The following SH3KBP1 variants were observed in gnomAD, a reference collection of about 807,000 sequenced individuals.
The protein encoded by SH3KBP1 is SH3 domain containing kinase binding protein 1.
A neutral mutation model predicts 50.1 loss-of-function variants in SH3KBP1; 8 were observed. That is an observed-to-expected ratio of 0.16 (90% confidence interval 0.09 to 0.29). The LOEUF (loss-of-function observed/expected upper bound fraction) is 0.29, where lower values mean the gene tolerates loss of function less well. SH3KBP1 is among the 10% of genes least tolerant of loss of function. The pLI is 1.00. For synonymous variants in SH3KBP1, 227 were observed against 218.6 expected (o/e 1.04, Z -0.34); for missense variants, 377 against 535.2 (o/e 0.70, Z 2.92).
chrX:19,553,599 G>C (rs944932155), intron 13 of SH3KBP1, among the ~76,000 whole-genome samples: 2 of 108,194 alleles, frequency 1.8e-5, no homozygotes, highest in East Asian at 2.9e-4. Flanking sequence ...CTCCTAGCGG[G>C]ATGTGAGTAG....
chrX:19,597,311 C>T (rs2066935032), intron 9 of SH3KBP1, among the ~76,000 whole-genome samples: 2 of 112,246 alleles, frequency 1.8e-5, no homozygotes, highest in South Asian at 7.4e-4. Flanking sequence ...TAGGTCTCAA[C>T]AGTGGGCTTA....
chrX:19,817,580 A>G lies in SH3KBP1; in HGVS notation c.162+18545T>C, dbSNP rs1223246463. On this transcript the variant is annotated intron_variant, in intron 2 of 17. Coordinates refer to ENST00000397821, the MANE Select transcript of SH3KBP1 (RefSeq NM_031892.3). Reference sequence around the variant, plus strand: ...CAACATATACGTCAATGGTCCCCATAAGATTATAATACCATACTTCTATTG... The same window carrying G: ...CAACATATACGTCAATGGTCCCCATGAGATTATAATACCATACTTCTATTG... 2.7e-5 allele frequency among the ~76,000 whole-genome samples: 3 copies of G among 112,508 alleles called. No homozygotes were observed. In the East Asian group the frequency reaches 8.3e-4, roughly 31 times the overall value.
chrX:19,769,713 G>A (rs1389635549), intron 2 of SH3KBP1, among the ~76,000 whole-genome samples: 1 of 110,915 alleles, frequency 9.0e-6, no homozygotes, highest in East Asian at 2.8e-4. Context: ...CTAACTTAAT[G>A]CAGCCATTGG....
At chrX:19,561,678 G>T (rs1023267683) in intron 13 of SH3KBP1, among the ~76,000 whole-genome samples, 1 of 111,725 alleles carries the variant, frequency 9.0e-6, no homozygotes, top group Non-Finnish European at 1.9e-5. Flanking sequence ...GGTCAACATT[G>T]TGAGTTTCCC....
chrX:19,642,082 T>A (rs1238643316), intron 7 of SH3KBP1, among the ~76,000 whole-genome samples: 2 of 111,746 alleles, frequency 1.8e-5, no homozygotes, highest in African/African-American at 6.5e-5. Context: ...GCTCAAGAGA[T>A]CCTCCCGCCT....
At chrX:19,603,280 G>A (rs997094438) in intron 9 of SH3KBP1, among the ~76,000 whole-genome samples, 4 of 112,216 alleles carry the variant, frequency 3.6e-5, no homozygotes, top group African/African-American at 6.5e-5. Context: ...TTGCCCTCCC[G>A]GAAAGCACCG....
chrX:19,546,464 TCAA>T (rs2065087288), intron 14 of SH3KBP1, among the ~76,000 whole-genome samples: 1 of 112,296 alleles, frequency 8.9e-6, no homozygotes, highest in Non-Finnish European at 1.9e-5. Context: ...AACACACAGG[TCAA>T]CAAGAGGCTG....
intron 12 of SH3KBP1, among the ~76,000 whole-genome samples, chrX:19,579,923 T>C (rs1242138738): frequency 1.8e-5 from 2 of 111,666 alleles, no homozygotes; most frequent in African/African-American, 6.5e-5. Context: ...CCCTCCCCCA[T>C]GGAGGTCACA....
chrX:19,546,155 T>C, intron 14 of SH3KBP1, 105 bp from the exon 15 acceptor site: 1 of 953,862 alleles, frequency 1.0e-6, no homozygotes, highest in South Asian at 2.3e-5. Flanking sequence ...CACTGCTATT[T>C]TGTCTTCTCA....
At chrX:19,731,224 C>A (rs2064368472) in intron 3 of SH3KBP1, among the ~76,000 whole-genome samples, 1 of 112,514 alleles carries the variant, frequency 8.9e-6, no homozygotes, top group South Asian at 3.6e-4. Flanking sequence ...CAGGCGTGAG[C>A]CACTGCGCCC....
At chrX:19,604,204 G>T (rs1271004663) in intron 9 of SH3KBP1, among the ~76,000 whole-genome samples, 1 of 111,468 alleles carries the variant, frequency 9.0e-6, no homozygotes, top group Non-Finnish European at 1.9e-5. Flanking sequence ...AAAATAAACA[G>T]ACAGCCATTG....
intron 1 of SH3KBP1, among the ~76,000 whole-genome samples, chrX:19,841,768 A>G (rs1312772530): frequency 9.2e-6 from 1 of 109,239 alleles, no homozygotes; most frequent in Non-Finnish European, 1.9e-5. Flanking sequence ...GCTTAGAGAC[A>G]TTGAGAGGTA....
chrX:19,749,705 C>T (rs73461624), intron 2 of SH3KBP1, among the ~76,000 whole-genome samples: 19,226 of 111,944 alleles, frequency 0.17, 1,369 homozygotes, highest in African/African-American at 0.25. Flanking sequence ...AGGGTTCTCT[C>T]AGGAGTAGTG....
chrX:19,677,565 C>A (rs2062957816), intron 6 of SH3KBP1, among the ~76,000 whole-genome samples: 1 of 111,894 alleles, frequency 8.9e-6, no homozygotes, highest in Admixed American at 9.4e-5. Flanking sequence ...CAAGAACTTC[C>A]AAATCCAGCT....
chrX:19,820,362 G>T (rs947271350), intron 2 of SH3KBP1, among the ~76,000 whole-genome samples: 1 of 110,832 alleles, frequency 9.0e-6, no homozygotes, highest in Non-Finnish European at 1.9e-5. Context: ...ATCAGTTTTT[G>T]CTCCATATAT....
Position 19,535,215 on chromosome X carries a change from G to C in SH3KBP1, c.*1202C>G. On this transcript the variant is annotated 3_prime_UTR_variant, in exon 18 of 18. Transcript: ENST00000397821. The stretch of plus-strand genomic sequence containing the variant: ...GACAGGCAAACATCAGTTTCCTTGG[G>C]AAAGAAAAAGCAACTCCATAAATGC... 1 of 224,808 alleles carries C rather than the reference G, an allele frequency of 4.4e-6. No individual in the cohort carries two copies. Among genetic ancestry groups the C allele is most frequent in the Non-Finnish European group, 8.0e-6 (1 of 125,529 alleles). The allele number at this position is 224,808 out of a possible 1,213,427, so 18.5% of individuals were successfully genotyped here.
intron 1 of SH3KBP1, among the ~76,000 whole-genome samples, chrX:19,847,040 C>G (rs750728263): frequency 9.0e-6 from 1 of 111,662 alleles, no homozygotes; most frequent in Non-Finnish European, 1.9e-5. Flanking sequence ...GAGGGAAGAA[C>G]GATTCCACAG....
chrX:19,732,293 T>C (rs1200069211), intron 3 of SH3KBP1, among the ~76,000 whole-genome samples: 1 of 111,012 alleles, frequency 9.0e-6, no homozygotes, highest in African/African-American at 3.3e-5. Context: ...AATATAACAC[T>C]GTTAACAGCT....
chrX:19,753,938 G>A (rs1448637443), intron 2 of SH3KBP1, among the ~76,000 whole-genome samples: 1 of 111,951 alleles, frequency 8.9e-6, no homozygotes, highest in Non-Finnish European at 1.9e-5. Flanking sequence ...ACACCACAAT[G>A]GCTTTCTCAT....
Sources: gnomAD v4.1 joint callset for allele counts (sites outside exome capture counted in the v4.1 genomes callset) on GRCh38, gnomAD v4.1.1 for gene constraint, MANE v1.5 for transcripts, NCBI Gene and HGNC (gene_info 2026-07-23, HGNC 2026-07-21) for gene names.